KCNU1: variants seen among roughly 807,000 people sequenced by gnomAD.
The protein encoded by KCNU1 is potassium channel subfamily U member 1.
A neutral mutation model predicts 126.8 loss-of-function variants in KCNU1; 93 were observed. That is an observed-to-expected ratio of 0.73 (90% CI 0.62 to 0.87). The LOEUF is 0.87. KCNU1 is among the 40% of genes least tolerant of loss of function. KCNU1 has a pLI of 0.00. For synonymous variants in KCNU1, 523 were observed against 494.2 expected, an observed-to-expected ratio of 1.06 and a Z score of -0.77; for missense variants, 1,330 against 1,367.1, an observed-to-expected ratio of 0.97 and a Z score of 0.43.
Position 36,815,624 on chromosome 8 carries a change from T to C in KCNU1, c.932T>C (p.Met311Thr), listed in dbSNP as rs1443326615. The C allele has an allele frequency of 1.9e-6, 3 of 1,593,976 alleles. No homozygotes were observed. Among genetic ancestry groups the C allele is most frequent in the Non-Finnish European group, 2.6e-6 (3 of 1,168,582 alleles). The change falls in exon 9 of 27, where the codon ATG becomes ACG. Residue 311 changes from methionine (M) to threonine (T), a missense_variant. Met to Thr is a moderately conservative substitution (Grantham distance 81). Around this residue, in one of 3 missense-constraint regions of KCNU1, gnomAD observed 1,054 missense variants for 1,053.9 expected, o/e 1.00. Coordinates refer to ENST00000399881, the MANE Select transcript of KCNU1 (RefSeq NM_001031836.3). Reference sequence around the variant, plus strand: ...TTATTTGCGAACTATATACCTGAAATGGTGGAACTGTTTGCTAACAAGAGG... The same window carrying C: ...TTATTTGCGAACTATATACCTGAAACGGTGGAACTGTTTGCTAACAAGAGG... The part of the protein sequence containing the change: ...LILFANYIPE[M>T]VELFANKRKY...
At chr8:36,896,694 A>G (rs550112196) in intron 19 of KCNU1, among the ~76,000 whole-genome samples, 1 of 152,190 alleles carries the variant, frequency 6.6e-6, no homozygotes, top group South Asian at 2.1e-4. Flanking sequence ...GGTTGGAGGA[A>G]GATTTCAGAG....
intron 23 of KCNU1, among the ~76,000 whole-genome samples, chr8:36,920,773 G>T (rs1281388325): frequency 1.3e-5 from 2 of 152,204 alleles, no homozygotes; most frequent in Admixed American, 1.3e-4. Context: ...ACAATGCAGG[G>T]AGAGAAATGT....
intron 2 of KCNU1, among the ~76,000 whole-genome samples, chr8:36,797,374 T>C (rs1028907092): frequency 2.0e-5 from 3 of 152,290 alleles, no homozygotes; most frequent in African/African-American, 7.2e-5. Flanking sequence ...TAATAGACTA[T>C]TATAGGGATT....
At chr8:36,799,227 A>G (rs183033565) in intron 2 of KCNU1, among the ~76,000 whole-genome samples, 5 of 152,190 alleles carry the variant, frequency 3.3e-5, no homozygotes, top group African/African-American at 9.6e-5. Context: ...TTACAAAGTC[A>G]GTCTTACTCT....
chr8:36,893,396 A>G lies in KCNU1; in HGVS notation c.2010-12312A>G, dbSNP rs149215010. ...CAATTTAAAAAAATTACTGCTGATT[A>G]TTTTTTTAAAATGCCTCCGGAAAAA... On this transcript the variant is annotated intron_variant, in intron 19 of 26. Coordinates refer to ENST00000399881, the MANE Select transcript of KCNU1 (RefSeq NM_001031836.3). 5.9e-3 allele frequency among the ~76,000 whole-genome samples: 895 copies of G among 151,148 alleles called. 11 individuals carry two copies. The highest frequency in any genetic ancestry group is 0.021 in the African/African-American group (865 of 41,122).
At chr8:36,862,555 T>G (rs1196164912) in intron 18 of KCNU1, among the ~76,000 whole-genome samples, 1 of 152,190 alleles carries the variant, frequency 6.6e-6, no homozygotes, top group Non-Finnish European at 1.5e-5. Flanking sequence ...CAAGCTGTTC[T>G]GTCCACCCCA....
At chr8:36,831,261 T>C (rs967430652) in intron 10 of KCNU1, among the ~76,000 whole-genome samples, 3 of 152,128 alleles carry the variant, frequency 2.0e-5, no homozygotes, top group Non-Finnish European at 2.9e-5. Context: ...TATAGTCCTT[T>C]GGGTATATAC....
intron 11 of KCNU1, 107 bp from the exon 12 acceptor site, chr8:36,834,679 T>C (rs1212394842): frequency 1.5e-6 from 1 of 659,818 alleles, no homozygotes; most frequent in Non-Finnish European, 2.7e-6. Context: ...GTGTCCTCTT[T>C]TGTGTTAGCA....
intron 10 of KCNU1, 30 bp from the exon 11 acceptor site, chr8:36,833,524 C>G: frequency 2.2e-6 from 3 of 1,333,456 alleles, no homozygotes; most frequent in Non-Finnish European, 3.2e-6. Context: ...TCTTTTTTCC[C>G]TCATTGCTGC....
intron 10 of KCNU1, among the ~76,000 whole-genome samples, chr8:36,822,759 T>G (rs1275339719): frequency 6.6e-6 from 1 of 152,040 alleles, no homozygotes; most frequent in Non-Finnish European, 1.5e-5. Flanking sequence ...AAAAGCCAGA[T>G]AACTAGGCTT....
At chr8:36,792,766 A>G (rs572066924) in intron 2 of KCNU1, among the ~76,000 whole-genome samples, 1 of 152,306 alleles carries the variant, frequency 6.6e-6, no homozygotes, top group Admixed American at 6.5e-5. Flanking sequence ...TATAATCATT[A>G]TTATAGTGTT....
At position 36,814,355 on chromosome 8, in the gene KCNU1, T is replaced by A. The variant is rs758545559; in HGVS notation, c.881T>A (p.Met294Lys). Reference sequence around the variant, plus strand: ...ACATCCTTAGGACGGACCTTCATCATGTTCTTCACACTGGGGAGTTTGGTG... The same window carrying A: ...ACATCCTTAGGACGGACCTTCATCAAGTTCTTCACACTGGGGAGTTTGGTG... ...AKTSLGRTFI[M>K]FFTLGSLILF... is the part of the protein sequence containing the mutation. The change falls in exon 8 of 27, where the codon ATG (methionine) becomes AAG (lysine). Residue 294 changes from methionine (M) to lysine (K), a missense_variant. Transcript: ENST00000399881. 1 of 1,611,718 alleles carries A rather than the reference T, an allele frequency of 6.2e-7. No homozygotes were observed. Among genetic ancestry groups the A allele is most frequent in the South Asian group, 1.1e-5 (1 of 90,754 alleles).
intron 2 of KCNU1, among the ~76,000 whole-genome samples, chr8:36,798,890 C>CG (rs1803201919): frequency 6.6e-6 from 1 of 152,168 alleles, no homozygotes; most frequent in Admixed American, 6.5e-5. Context: ...GGCTGTGTCA[C>CG]GGGCCATGGT....
chr8:36,825,994 A>G (rs1376283114), intron 10 of KCNU1, among the ~76,000 whole-genome samples: 1 of 151,980 alleles, frequency 6.6e-6, no homozygotes, highest in Non-Finnish European at 1.5e-5. Flanking sequence ...TGATGTGTAT[A>G]GGTTTGAATT....
At position 36,808,792 on chromosome 8, in the gene KCNU1, T is replaced by C. The variant is rs749484303; in HGVS notation, c.731T>C (p.Leu244Pro). ...TWFTAAGFIHLVENSGDPWLK... is the reference protein window; with the variant it reads ...TWFTAAGFIHPVENSGDPWLK... ...TTCACAGCTGCGGGATTCATTCACC[T>C]GGTAAGCATCTCATCACAATCCCTA... The change falls in exon 7 of 27, where the codon CTG becomes CCG. Residue 244 changes from leucine to proline, a missense_variant and splice_region_variant. Transcript: ENST00000399881. 4 of 1,607,308 alleles carry C rather than the reference T, an allele frequency of 2.5e-6. No individual in the cohort carries two copies. Among genetic ancestry groups the C allele is most frequent in the South Asian group, 1.1e-5 (1 of 90,256 alleles).
intron 23 of KCNU1, among the ~76,000 whole-genome samples, chr8:36,920,739 C>T (rs192675189): frequency 3.3e-5 from 5 of 152,168 alleles, no homozygotes; most frequent in South Asian, 2.1e-4. Context: ...CGCGCACGTG[C>T]GCATGTGTGT....
At chr8:36,891,501 G>A (rs941957610) in intron 19 of KCNU1, among the ~76,000 whole-genome samples, 1 of 151,986 alleles carries the variant, frequency 6.6e-6, no homozygotes, top group African/African-American at 2.4e-5. Context: ...GATGCATAGA[G>A]AGATAATACT....
At chr8:36,860,963 G>A (rs866843377) in intron 18 of KCNU1, among the ~76,000 whole-genome samples, 29 of 151,432 alleles carry the variant, frequency 1.9e-4, no homozygotes, top group African/African-American at 6.5e-4. Context: ...TTTTTAAGGA[G>A]GAATGACCCC....
intron 18 of KCNU1, among the ~76,000 whole-genome samples, chr8:36,861,988 CTTTGTTTGTTTG>C (rs565185246): frequency 9.9e-5 from 15 of 151,860 alleles, no homozygotes; most frequent in Non-Finnish European, 2.1e-4. Flanking sequence ...CCATGGTTTT[CTTTGTTTGTTTG>C]TTTGTTTGTT....
Sources: allele counts gnomAD v4.1 joint callset (sites outside exome capture counted in the v4.1 genomes callset), GRCh38; gene constraint gnomAD v4.1.1; regional missense constraint gnomAD v4.1.1; transcripts MANE v1.5; gene names NCBI Gene and HGNC (gene_info 2026-07-23, HGNC 2026-07-21).